MBOAT2: variants seen among roughly 807,000 people sequenced by gnomAD.
The protein encoded by MBOAT2 is membrane-bound glycerophospholipid O-acyltransferase 2.
In MBOAT2, 28 loss-of-function variants were observed where a neutral mutation model predicts 63.4. The observed-to-expected ratio is 0.44, with a 90% CI of 0.33 to 0.61. The LOEUF (loss-of-function observed/expected upper bound fraction) is 0.61. Ranked by LOEUF, MBOAT2 falls within the 20% of genes least tolerant of loss-of-function variation. The pLI, the probability that MBOAT2 is intolerant of heterozygous loss-of-function variation, is 0.03. For missense variants in MBOAT2, 470 were observed against 605.8 expected, an observed-to-expected ratio of 0.78 and a Z score of 2.35; for synonymous variants, 211 against 215.6, an observed-to-expected ratio of 0.98 and a Z score of 0.19.
chr2:8,967,843 T>A (rs1326794216), intron 1 of MBOAT2, among the ~76,000 whole-genome samples: 2 of 151,952 alleles, frequency 1.3e-5, no homozygotes, highest in African/African-American at 4.8e-5. Context: ...CTTCATCACA[T>A]AAATATAAAA....
intron 1 of MBOAT2, among the ~76,000 whole-genome samples, chr2:8,992,705 C>T (rs72771537): frequency 0.016 from 2,471 of 152,328 alleles, 33 homozygotes; most frequent in Non-Finnish European, 0.022. Flanking sequence ...GAAAAAGTTT[C>T]TATGAGATGA....
chr2:8,944,017 C>T (rs764547950), intron 2 of MBOAT2, among the ~76,000 whole-genome samples: 2 of 152,082 alleles, frequency 1.3e-5, no homozygotes, highest in Non-Finnish European at 2.9e-5. Context: ...GTGCCCACCA[C>T]CACACCCAGC....
intron 1 of MBOAT2, among the ~76,000 whole-genome samples, chr2:8,993,442 A>G (rs1359691683): frequency 1.3e-5 from 2 of 152,220 alleles, no homozygotes; most frequent in Admixed American, 6.5e-5. Flanking sequence ...AGTGACCAGA[A>G]GCTGATTAGG....
intron 8 of MBOAT2, 48 bp downstream of exon 8, chr2:8,873,060 A>G (rs1662446284): frequency 6.5e-7 from 1 of 1,548,686 alleles, no homozygotes; most frequent in East Asian, 2.3e-5. Context: ...CGACAAGGTA[A>G]GAAACGCTTC....
chr2:8,983,427 T>A (rs186648056), intron 1 of MBOAT2, among the ~76,000 whole-genome samples: 2 of 152,152 alleles, frequency 1.3e-5, no homozygotes, highest in Non-Finnish European at 2.9e-5. Flanking sequence ...GAAAAAAACA[T>A]CTCTAGGCCC....
chr2:8,916,348 A>G (rs1666174041), intron 3 of MBOAT2, among the ~76,000 whole-genome samples: 1 of 152,244 alleles, frequency 6.6e-6, no homozygotes, highest in Admixed American at 6.5e-5. Context: ...ACTAATATCA[A>G]AATAAAATCA....
At chr2:8,952,606 A>G (rs2103261790) in intron 2 of MBOAT2, among the ~76,000 whole-genome samples, 1 of 152,332 alleles carries the variant, frequency 6.6e-6, no homozygotes, top group Non-Finnish European at 1.5e-5. Flanking sequence ...CCAATGTTGC[A>G]CATGTACACA....
At chr2:8,936,952 C>T (rs1667713149) in intron 3 of MBOAT2, among the ~76,000 whole-genome samples, 3 of 152,204 alleles carry the variant, frequency 2.0e-5, no homozygotes, top group Non-Finnish European at 4.4e-5. Context: ...GTGCTGCCTT[C>T]GCCAGGGAAA....
chr2:8,891,654 T>A (rs1664013566), intron 4 of MBOAT2, among the ~76,000 whole-genome samples: 1 of 152,214 alleles, frequency 6.6e-6, no homozygotes, highest in Non-Finnish European at 1.5e-5. Context: ...AGCTTCAGTA[T>A]CTAACCACTT....
intron 1 of MBOAT2, among the ~76,000 whole-genome samples, chr2:8,993,595 C>T (rs10179870): frequency 0.02 from 3,056 of 152,218 alleles, 34 homozygotes; most frequent in Middle Eastern, 0.037. Context: ...AGGAAAAGTC[C>T]CCTGGGAACA....
chr2:8,868,871 C>T (rs564177868), intron 8 of MBOAT2, among the ~76,000 whole-genome samples: 35 of 152,240 alleles, frequency 2.3e-4, no homozygotes, highest in Admixed American at 8.5e-4. Context: ...CAGCAGAGTA[C>T]GCTCAACCAG....
chr2:8,891,693 T>C (rs910545511), intron 4 of MBOAT2, among the ~76,000 whole-genome samples: 1 of 152,178 alleles, frequency 6.6e-6, no homozygotes, highest in African/African-American at 2.4e-5. Context: ...CTGGGATACC[T>C]TGACACGAAT....
intron 1 of MBOAT2, among the ~76,000 whole-genome samples, chr2:8,987,810 C>A (rs1275065581): frequency 6.6e-6 from 1 of 152,166 alleles, no homozygotes; most frequent in East Asian, 1.9e-4. Flanking sequence ...TTTGTTTGAA[C>A]ATACACACAC....
intron 6 of MBOAT2, among the ~76,000 whole-genome samples, chr2:8,878,420 A>C (rs768321738): frequency 1.3e-5 from 2 of 152,256 alleles, no homozygotes; most frequent in Non-Finnish European, 2.9e-5. Context: ...CTTCTTGAAC[A>C]TGTTACAGTC....
chr2:8,910,479 A>T (rs185551275), intron 3 of MBOAT2, among the ~76,000 whole-genome samples: 1 of 152,310 alleles, frequency 6.6e-6, no homozygotes, highest in African/African-American at 2.4e-5. Flanking sequence ...ATTTGTTTTA[A>T]GCCACTATGT....
chr2:8,985,162 C>T (rs1439310288), intron 1 of MBOAT2, among the ~76,000 whole-genome samples: 2 of 152,164 alleles, frequency 1.3e-5, no homozygotes, highest in Non-Finnish European at 2.9e-5. Flanking sequence ...TCTTCCACTG[C>T]TCAACTGGCT....
At chr2:8,926,647 C>A (rs1666953627) in intron 3 of MBOAT2, among the ~76,000 whole-genome samples, 1 of 152,186 alleles carries the variant, frequency 6.6e-6, no homozygotes, top group African/African-American at 2.4e-5. Context: ...AAGGCAGGGG[C>A]AGTCACAACG....
intron 2 of MBOAT2, among the ~76,000 whole-genome samples, chr2:8,944,771 CT>C (rs1011227869): frequency 3.3e-5 from 5 of 151,764 alleles, no homozygotes; most frequent in African/African-American, 1.2e-4. Context: ...TAGAAGAAAG[CT>C]TTTTTAAAAA....
intron 2 of MBOAT2, among the ~76,000 whole-genome samples, chr2:8,950,452 C>G (rs897406432): frequency 8.5e-5 from 13 of 152,062 alleles, no homozygotes; most frequent in African/African-American, 3.1e-4. Flanking sequence ...GTTTGAGACA[C>G]AGTCTCGCTC....
Sources: gnomAD v4.1 joint callset for allele counts (sites outside exome capture counted in the v4.1 genomes callset) on GRCh38, gnomAD v4.1.1 for gene constraint, MANE v1.5 for transcripts, NCBI Gene and HGNC (gene_info 2026-07-23, HGNC 2026-07-21) for gene names.